Variants in PPP2R2D observed in about 807,000 individuals in gnomAD.
The protein encoded by PPP2R2D is serine/threonine-protein phosphatase 2A 55 kDa regulatory subunit B delta isoform.
A neutral mutation model predicts 31.1 loss-of-function variants in PPP2R2D; 9 were observed. The observed-to-expected ratio is 0.29, with a 90% CI of 0.17 to 0.51. PPP2R2D has a LOEUF of 0.51. Among genes scored for constraint, PPP2R2D ranks in the 20% least tolerant of loss-of-function variants. PPP2R2D has a pLI of 0.98. For synonymous variants in PPP2R2D, 179 were observed against 172.6 expected, an observed-to-expected ratio of 1.04 and a Z score of -0.29; for missense variants, 391 against 465.6, an observed-to-expected ratio of 0.84 and a Z score of 1.48.
rs994690341 is a variant in PPP2R2D at position 131,956,115 on chromosome 10, G to A, written c.*152G>A. ...CAGGAGAAAGCCGCCTCCGCTGGAG[G>A]CCCGGTGTGGTTCCGCCTCGGCGAG... On this transcript the variant is annotated 3_prime_UTR_variant, in exon 9 of 9. Coordinates refer to ENST00000455566, the MANE Select transcript of PPP2R2D (RefSeq NM_018461.5). 6.3e-6 allele frequency: 8 copies of A among 1,261,436 alleles called. No individual in the cohort carries two copies. Among genetic ancestry groups the A allele is most frequent in the African/African-American group, 6.1e-5 (4 of 65,104 alleles). The allele number at this position is 1,261,436 out of a possible 1,614,324, so 78.1% of individuals were successfully genotyped here.
chr10:131,926,844 G>A (rs1431897739), intron 2 of PPP2R2D, among the ~76,000 whole-genome samples: 1 of 152,242 alleles, frequency 6.6e-6, no homozygotes, highest in African/African-American at 2.4e-5. Context: ...TCTGCCCAGC[G>A]TGTAGAGGAG....
chr10:131,903,605 G>A (rs1287418461), intron 2 of PPP2R2D, among the ~76,000 whole-genome samples: 2 of 151,812 alleles, frequency 1.3e-5, no homozygotes, highest in African/African-American at 2.4e-5. Flanking sequence ...TCGAGTTGTC[G>A]TGGTTTCTTT....
chr10:131,967,866 A>C, the PPP2R2D span: 1 of 152,282 alleles, frequency 6.6e-6, no homozygotes, highest in Non-Finnish European at 1.5e-5. Context: ...CTTCAGCAGA[A>C]AACTGATCAT....
intron 3 of PPP2R2D, among the ~76,000 whole-genome samples, chr10:131,938,864 G>A (rs2036390488): frequency 1.3e-5 from 2 of 152,198 alleles, no homozygotes; most frequent in African/African-American, 4.8e-5. Context: ...ACATCGCTGT[G>A]TCACGCTCCT....
chr10:131,917,303 A>AC (rs2035822953), intron 2 of PPP2R2D, among the ~76,000 whole-genome samples: 1 of 50,160 alleles, frequency 2.0e-5, no homozygotes, highest in Admixed American at 2.2e-4. Context: ...GACCTCAGGC[A>AC]GGTGGAATGA....
intron 3 of PPP2R2D, chr10:131,935,057 AG>A (rs2036314494): frequency 2.3e-6 from 1 of 439,294 alleles, no homozygotes; most frequent in African/African-American, 2.0e-5. Context: ...ACCTGTCTGG[AG>A]GGAAGGGAAC....
At chr10:131,927,482 A>T (rs1436032149) in intron 2 of PPP2R2D, among the ~76,000 whole-genome samples, 1 of 152,168 alleles carries the variant, frequency 6.6e-6, no homozygotes, top group Non-Finnish European at 1.5e-5. Flanking sequence ...GTGAAGACGG[A>T]TAGCTGCTTG....
At chr10:131,960,237 G>A (rs868990054), downstream of PPP2R2D, among the ~76,000 whole-genome samples, 6 of 152,222 alleles carry the variant, frequency 3.9e-5, no homozygotes, top group South Asian at 2.1e-4. Flanking sequence ...CAACAGGTGC[G>A]GAGAAAACTT....
downstream of PPP2R2D, among the ~76,000 whole-genome samples, chr10:131,960,723 C>CG (rs1329576404): frequency 6.6e-6 from 1 of 152,186 alleles, no homozygotes; most frequent in African/African-American, 2.4e-5. Context: ...TCTGGGGCTG[C>CG]GGAGGCTCTC....
rs782572620 is a variant in PPP2R2D at position 131,947,058 on chromosome 10, C to G, written c.821-472C>G. On this transcript the variant is annotated intron_variant, in intron 7 of 8. Transcript: ENST00000455566. The surrounding 1 kb of genome is among the most constrained non-coding windows in gnomAD (Gnocchi z 4.3). ...CAGGCAGTTTCTTAGAGGCACAGAC[C>G]GCTGTGTCTGCATGACCATATAATG... Among the ~76,000 whole-genome samples, 41 of 152,210 alleles carry G rather than the reference C, an allele frequency of 2.7e-4. No individual in the cohort carries two copies. The highest frequency in any genetic ancestry group is 5.6e-4 in the Non-Finnish European group (38 of 68,018).
chr10:131,947,443 G>C lies in PPP2R2D; in HGVS notation c.821-87G>C. On this transcript the variant is annotated intron_variant, in intron 7 of 8. Transcript: ENST00000455566. This position sits in a 1 kb window ranked among gnomAD's most constrained non-coding sequence, Gnocchi z 4.3. ...GGCCAAGCCCTTCCAGAGTCTCTCTGAAGGGGCCACTTCCTACTTGAACTT... is the reference window on the plus strand; with the variant it reads ...GGCCAAGCCCTTCCAGAGTCTCTCTCAAGGGGCCACTTCCTACTTGAACTT... 2 of 1,424,658 alleles carry C rather than the reference G, an allele frequency of 1.4e-6. No homozygotes were observed. Among genetic ancestry groups the C allele is most frequent in the Non-Finnish European group, 1.9e-6 (2 of 1,055,758 alleles). The allele number at this position is 1,424,658 out of a possible 1,614,324, so 88.3% of individuals were successfully genotyped here. A position where few individuals can be genotyped will look rare whatever the true frequency, so the allele number is the denominator to read the frequency against.
intron 2 of PPP2R2D, among the ~76,000 whole-genome samples, chr10:131,914,467 T>C (rs2035738545): frequency 2.6e-5 from 4 of 152,198 alleles, no homozygotes; most frequent in African/African-American, 9.7e-5. Flanking sequence ...TTGACATTTC[T>C]CTCTCAAACT....
At chr10:131,943,839 G>T (rs782578999) in intron 5 of PPP2R2D, 129 bp from the exon 6 acceptor site, 4 of 615,286 alleles carry the variant, frequency 6.5e-6, no homozygotes, top group African/African-American at 1.9e-5. Flanking sequence ...TTATTTGGGG[G>T]TATTGCCTGT....
intron 2 of PPP2R2D, among the ~76,000 whole-genome samples, chr10:131,923,484 A>G (rs782133214): frequency 6.6e-6 from 1 of 152,200 alleles, no homozygotes; most frequent in African/African-American, 2.4e-5. Flanking sequence ...GAGCTTGGTC[A>G]TATGGCAACT....
chr10:131,955,978 G>T lies in PPP2R2D; in HGVS notation c.*15G>T, dbSNP rs7894. 3.4e-6 allele frequency: 5 copies of T among 1,470,532 alleles called. No individual in the cohort carries two copies. The highest frequency in any genetic ancestry group is 4.1e-5 in the Admixed American group (2 of 48,374). The allele number at this position is 1,470,532 out of a possible 1,614,324, so 91.1% of individuals were successfully genotyped here. ...AAATCAACTAGAGACGCGAACGTGA[G>T]GACCAAGTCTTGTCTTGCATAGTTA... is the stretch of plus-strand genomic sequence containing the variant. On this transcript the variant is annotated 3_prime_UTR_variant, in exon 9 of 9. Coordinates refer to ENST00000455566, the MANE Select transcript of PPP2R2D (RefSeq NM_018461.5).
At chr10:131,922,093 A>G (rs2035997211) in intron 2 of PPP2R2D, among the ~76,000 whole-genome samples, 1 of 152,182 alleles carries the variant, frequency 6.6e-6, no homozygotes, top group Non-Finnish European at 1.5e-5. Flanking sequence ...GTGGTTTAAT[A>G]TGGTTCCCAA....
chr10:131,947,293 G>A lies in PPP2R2D; in HGVS notation c.821-237G>A, dbSNP rs1420852681. Among the ~76,000 whole-genome samples, 4 of 152,166 alleles carry A rather than the reference G, an allele frequency of 2.6e-5. No individual in the cohort carries two copies. Among genetic ancestry groups the A allele is most frequent in the East Asian group, 1.9e-4 (1 of 5,192 alleles). On this transcript the variant is annotated intron_variant, in intron 7 of 8. Transcript: ENST00000455566. The surrounding 1 kb of genome is among the most constrained non-coding windows in gnomAD (Gnocchi z 4.3). ...GTCCGGGTGAGACTTGGGCGTCTAC[G>A]CTTCTCATGCCCATCCCTTGTCCAT...
At position 131,956,734 on chromosome 10, in the gene PPP2R2D, A is replaced by G. The variant is rs1195072591; in HGVS notation, c.*771A>G. ...GTAGAAGTAGCCCATCAGATACACC[A>G]GGTAAGGTCTGGGAAAAGCCAGAAC... On this transcript the variant is annotated 3_prime_UTR_variant, in exon 9 of 9. Coordinates refer to ENST00000455566, the MANE Select transcript of PPP2R2D (RefSeq NM_018461.5). The G allele has an allele frequency of 7.0e-6, 2 of 283,794 alleles. No homozygotes were observed. Among genetic ancestry groups the G allele is most frequent in the Non-Finnish European group, 1.1e-5 (2 of 188,466 alleles). The allele number at this position is 283,794 out of a possible 1,614,324, so 17.6% of individuals were successfully genotyped here.
intron 2 of PPP2R2D, chr10:131,912,282 G>T (rs1211310657): frequency 2.6e-5 from 4 of 152,110 alleles, no homozygotes; most frequent in Non-Finnish European, 5.9e-5. Flanking sequence ...GCCTGATCAG[G>T]CTCAAGCAAT....
Sources: allele counts gnomAD v4.1 joint callset (sites outside exome capture counted in the v4.1 genomes callset), GRCh38; gene constraint gnomAD v4.1.1; non-coding constraint Gnocchi (gnomAD v3.1); transcripts MANE v1.5; gene names NCBI Gene and HGNC (gene_info 2026-07-23, HGNC 2026-07-21).